Variants in SCNM1 observed in about 807,000 individuals in gnomAD.
SCNM1 encodes the protein sodium channel modifier 1.
A neutral mutation model predicts 32.8 loss-of-function variants in SCNM1; 24 were observed. The observed-to-expected ratio is 0.73, with a 90% CI of 0.53 to 1.03. The LOEUF (loss-of-function observed/expected upper bound fraction) is 1.03. Among genes scored for constraint, SCNM1 ranks in the 50% least tolerant of loss-of-function variants. The pLI is 0.00. For synonymous variants in SCNM1, 99 were observed against 103.2 expected (o/e 0.96, Z 0.25); for missense variants, 274 against 282.3 (o/e 0.97, Z 0.21).
intron 5 of SCNM1, 184 bp from the exon 6 acceptor site, chr1:151,167,960 A>T (rs1327078981): frequency 1.6e-5 from 10 of 609,926 alleles, no homozygotes; most frequent in Non-Finnish European, 2.3e-5. Flanking sequence ...TCTTAAGATT[A>T]AAAAAAACTT....
rs1217351894 is a variant in SCNM1 at position 151,170,087 on chromosome 1, C to G, written c.*1002C>G. On this transcript the variant is annotated 3_prime_UTR_variant, in exon 7 of 7. Coordinates refer to ENST00000368905, the MANE Select transcript of SCNM1 (RefSeq NM_024041.4). The stretch of plus-strand genomic sequence containing the variant: ...GGTAAAGGGAAATGCAGTGTTATCT[C>G]TTCTTTTGCTGGCGACCTGTAAAGG... 3.1e-6 allele frequency: 5 copies of G among 1,614,072 alleles called. No individual in the cohort carries two copies. The highest frequency in any genetic ancestry group is 4.2e-6 in the Non-Finnish European group (5 of 1,180,034).
rs753087983 is a variant in SCNM1 at position 151,168,220 on chromosome 1, A to G, written c.475A>G (p.Ser159Gly). The G allele has an allele frequency of 3.1e-6, 5 of 1,614,062 alleles. No homozygotes were observed. Among genetic ancestry groups the G allele is most frequent in the Non-Finnish European group, 4.2e-6 (5 of 1,180,040 alleles). ...SEVKLQSGKISREPEPAAGPQ... is the reference protein window; with the variant it reads ...SEVKLQSGKIGREPEPAAGPQ... ...GGTCAAACTCCAAAGTGGGAAGATCAGTAGGGAACCTGAACCTGCGGCTGG... is the reference window on the plus strand; with the variant it reads ...GGTCAAACTCCAAAGTGGGAAGATCGGTAGGGAACCTGAACCTGCGGCTGG... Residue 159 changes from serine (S) to glycine (G), a missense_variant, in exon 6 of 7, where the codon AGT becomes GGT. By Grantham distance (56) the Ser-to-Gly change is moderately conservative. Coordinates refer to ENST00000368905, the MANE Select transcript of SCNM1 (RefSeq NM_024041.4).
Position 151,169,219 on chromosome 1 carries a change from G to T in SCNM1, c.*134G>T. The T allele has an allele frequency of 4.9e-6, 4 of 814,114 alleles. No homozygotes were observed. Among genetic ancestry groups the T allele is most frequent in the Non-Finnish European group, 7.5e-6 (4 of 532,758 alleles). 50.4% of individuals were successfully genotyped at this position (814,114 alleles called of 1,614,324 possible). A position where few individuals can be genotyped will look rare whatever the true frequency, so the allele number is the denominator to read the frequency against. ...CATTCCAACTACTCCTTGCCTGCAA[G>T]GTACACAGCTCTCCACACTCCTTTT... On this transcript the variant is annotated 3_prime_UTR_variant, in exon 7 of 7. Coordinates refer to ENST00000368905, the MANE Select transcript of SCNM1 (RefSeq NM_024041.4).
At chr1:151,168,940 A>T in intron 6 of SCNM1, 46 bp from the exon 7 acceptor site, 4 of 1,610,894 alleles carry the variant, frequency 2.5e-6, no homozygotes, top group Non-Finnish European at 3.4e-6. Context: ...CTAACTTCTT[A>T]ATAAGCCTCT....
chr1:151,168,158 G>A lies in SCNM1; in HGVS notation c.413G>A (p.Gly138Asp). Residue 138 changes from glycine to aspartate, a missense_variant, in exon 6 of 7, where the codon GGT (glycine) becomes GAT (aspartate). By Grantham distance (94) the Gly-to-Asp change is moderately conservative (BLOSUM62 -1). Coordinates refer to ENST00000368905, the MANE Select transcript of SCNM1 (RefSeq NM_024041.4). ...CRRKYRPEAPGPSVSLSPMPP... is the reference protein window; with the variant it reads ...CRRKYRPEAPDPSVSLSPMPP... ...TCTCTACCTAGACCAGAAGCCCCTG[G>A]TCCCTCTGTCTCCCTTTCCCCTATG... is the stretch of plus-strand genomic sequence containing the variant. 1.9e-6 allele frequency: 3 copies of A among 1,612,878 alleles called. No individual in the cohort carries two copies. The highest frequency in any genetic ancestry group is 2.5e-6 in the Non-Finnish European group (3 of 1,179,448).
At chr1:151,168,411 C>T in intron 6 of SCNM1, 73 bp downstream of exon 6, 1 of 1,481,704 alleles carries the variant, frequency 6.7e-7, no homozygotes, top group Non-Finnish European at 8.9e-7. Flanking sequence ...TATTGTTTTT[C>T]CTTTTTTTTT....
At chr1:151,168,412 C>CT (rs373666513) in intron 6 of SCNM1, 74 bp downstream of exon 6, 105,702 of 1,087,304 alleles carry the variant, frequency 0.097, 4 homozygotes, top group Non-Finnish European at 0.11. Context: ...ATTGTTTTTC[C>CT]TTTTTTTTTT....
In SCNM1 at chr1:151,166,490, T is replaced by C; in HGVS notation, c.71T>C (p.Leu24Pro). 1 of 1,614,038 alleles carries C rather than the reference T, an allele frequency of 6.2e-7. No individual in the cohort carries two copies. Among genetic ancestry groups the C allele is most frequent in the Non-Finnish European group, 8.5e-7 (1 of 1,179,992 alleles). ...CTGCAGAAAAGAAGAGTCGGGGACCTCCTAGCCAGTTACATTCCAGAGGAT... is the reference window on the plus strand; with the variant it reads ...CTGCAGAAAAGAAGAGTCGGGGACCCCCTAGCCAGTTACATTCCAGAGGAT... ...NVLKKRRVGDLLASYIPEDEA... is the reference protein window; with the variant it reads ...NVLKKRRVGDPLASYIPEDEA... The change falls in exon 2 of 7, where the codon CTC becomes CCC. Residue 24 changes from leucine (L) to proline (P), a missense_variant. Leu to Pro is a moderately conservative substitution (Grantham distance 98). Transcript: ENST00000368905.
Position 151,170,005 on chromosome 1 carries a change from T to G in SCNM1, c.*920T>G. 6.4e-7 allele frequency: 1 copy of G among 1,571,348 alleles called. No homozygotes were observed. Among genetic ancestry groups the G allele is most frequent in the Non-Finnish European group, 8.8e-7 (1 of 1,142,248 alleles). On this transcript the variant is annotated 3_prime_UTR_variant, in exon 7 of 7. Coordinates refer to ENST00000368905, the MANE Select transcript of SCNM1 (RefSeq NM_024041.4). ...GGCAAAATGGATAGAAGGGCTTTTATTTACAGGAAAGGAGGACAGATGAGG... is the reference window on the plus strand; with the variant it reads ...GGCAAAATGGATAGAAGGGCTTTTAGTTACAGGAAAGGAGGACAGATGAGG...
chr1:151,167,611 C>G, intron 5 of SCNM1, 197 bp downstream of exon 5: 1 of 613,766 alleles, frequency 1.6e-6, no homozygotes, highest in East Asian at 3.3e-5. Context: ...GTGGGTGGAT[C>G]ACTTGAGGTC....
chr1:151,166,445 C>T, intron 1 of SCNM1, 26 bp from the exon 2 acceptor site: 1 of 1,613,680 alleles, frequency 6.2e-7, no homozygotes. Flanking sequence ...TGATCCCGTC[C>T]GGATTTCTTC....
chr1:151,168,368 TTTC>T, intron 6 of SCNM1, 30 bp downstream of exon 6: 2 of 1,546,640 alleles, frequency 1.3e-6, no homozygotes, highest in Non-Finnish European at 1.7e-6. Flanking sequence ...TTCCTCAGAT[TTTC>T]TTTTCTCTCT....
Position 151,169,623 on chromosome 1 carries a change from TATTA to T in SCNM1, c.*541_*544del, listed in dbSNP as rs1387525438. On this transcript the variant is annotated 3_prime_UTR_variant, in exon 7 of 7. Transcript: ENST00000368905. ...CGTCAGCTGCATCAGCCTGGTGCCC[TATTA>T]ATAAGACTGTCAAAAAGAGGTCTTT... 2 of 188,462 alleles carry T rather than the reference TATTA, an allele frequency of 1.1e-5. No homozygotes were observed. Among genetic ancestry groups the T allele is most frequent in the Non-Finnish European group, 2.2e-5 (2 of 89,544 alleles). 11.7% of individuals were successfully genotyped at this position (188,462 alleles called of 1,614,324 possible).
At position 151,169,823 on chromosome 1, in the gene SCNM1, G is replaced by GGGGAACACCAAGGGA; in HGVS notation, c.*748_*762dup. 1 of 514,050 alleles carries GGGGAACACCAAGGGA rather than the reference G, an allele frequency of 1.9e-6. No individual in the cohort carries two copies. The highest frequency in any genetic ancestry group is 3.4e-5 in the Admixed American group (1 of 29,090). The allele number at this position is 514,050 out of a possible 1,614,324, so 31.8% of individuals were successfully genotyped here. On this transcript the variant is annotated 3_prime_UTR_variant, in exon 7 of 7. Coordinates refer to ENST00000368905, the MANE Select transcript of SCNM1 (RefSeq NM_024041.4). ...AGTCAAAAGGCATTGGCAGGGTTAT[G>GGGGAACACCAAGGGA]GGGAACACCAAGGGAGGGAACACCC...
chr1:151,166,417 C>T (rs1683703598), intron 1 of SCNM1, 54 bp from the exon 2 acceptor site: 2 of 1,609,710 alleles, frequency 1.2e-6, no homozygotes, highest in East Asian at 2.2e-5. Flanking sequence ...TCACTTCCAC[C>T]CCTCTCTCCT....
Position 151,167,348 on chromosome 1 carries a change from G to C in SCNM1, c.332G>C (p.Arg111Pro). The change falls in exon 5 of 7, where the codon CGA (arginine) becomes CCA (proline). Residue 111 changes from arginine (R) to proline (P), a missense_variant. Arg to Pro is a moderately radical substitution (Grantham distance 103). Transcript: ENST00000368905. ...KAEAPLLTQT[R>P]LITQSALHRA... ...CAGGCTCCTCTGCTAACTCAGACACGACTTATCACCCAGAGTGCTCTGCAC... is the reference window on the plus strand; with the variant it reads ...CAGGCTCCTCTGCTAACTCAGACACCACTTATCACCCAGAGTGCTCTGCAC... 6 of 1,614,078 alleles carry C rather than the reference G, an allele frequency of 3.7e-6. No individual in the cohort carries two copies. The highest frequency in any genetic ancestry group is 4.2e-6 in the Non-Finnish European group (5 of 1,180,020).
At chr1:151,168,840 G>C (rs1683842438) in intron 6 of SCNM1, 146 bp from the exon 7 acceptor site, 1 of 142,800 alleles carries the variant, frequency 7.0e-6, no homozygotes, top group Admixed American at 1.1e-4. Context: ...GTTTCACTAT[G>C]TTGGTCAGGC....
rs1298361166 is a variant in SCNM1 at position 151,169,076 on chromosome 1, C to T, written c.684C>T (p.Pro228=). ...DSDEEEPPDL[P]LD Reference sequence around the variant, plus strand: ...ATGAGGAGGAACCACCTGATCTCCCCTTGGACTGATACCCTTTTCCCATTC... The same window carrying T: ...ATGAGGAGGAACCACCTGATCTCCCTTTGGACTGATACCCTTTTCCCATTC... Residue 228 remains proline (P), a synonymous_variant, in exon 7 of 7, where the codon CCC becomes CCT. Transcript: ENST00000368905. 1 of 1,614,056 alleles carries T rather than the reference C, an allele frequency of 6.2e-7. No individual in the cohort carries two copies. The highest frequency in any genetic ancestry group is 1.3e-5 in the African/African-American group (1 of 75,024).
intron 5 of SCNM1, chr1:151,167,884 T>TA: frequency 2.5e-6 from 1 of 394,678 alleles, no homozygotes; most frequent in East Asian, 4.1e-5. Context: ...GATTTTTAAA[T>TA]AAAGTTTGGG....
Sources: allele counts gnomAD v4.1 joint callset, GRCh38; gene constraint gnomAD v4.1.1; transcripts MANE v1.5; gene names NCBI Gene and HGNC (gene_info 2026-07-23, HGNC 2026-07-21).